The following LMBRD2 variants were observed in gnomAD, a reference collection of about 807,000 sequenced individuals.
The protein encoded by LMBRD2 is LMBR1 domain containing 2.
LMBRD2 carries 55 observed loss-of-function variants against 94.4 expected under a neutral mutation model. The ratio of observed to expected loss-of-function variants is 0.58; its 90% CI spans 0.47 to 0.73. The LOEUF is 0.73. Among genes scored for constraint, LMBRD2 ranks in the 30% least tolerant of loss-of-function variants. The pLI, the probability that LMBRD2 is intolerant of heterozygous loss-of-function variation, is 0.00. For missense variants in LMBRD2, 640 were observed against 831.9 expected, an observed-to-expected ratio of 0.77 and a Z score of 2.84; for synonymous variants, 246 against 272.4, an observed-to-expected ratio of 0.90 and a Z score of 0.95.
At chr5:36,147,180 C>T (rs1484309434) in intron 1 of LMBRD2, among the ~76,000 whole-genome samples, 1 of 151,940 alleles carries the variant, frequency 6.6e-6, no homozygotes, top group East Asian at 1.9e-4. Flanking sequence ...CTGTTGAGGC[C>T]GAACTATATT....
At chr5:36,133,612 ATT>A (rs965621860) in intron 6 of LMBRD2, among the ~76,000 whole-genome samples, 7 of 152,132 alleles carry the variant, frequency 4.6e-5, no homozygotes, top group African/African-American at 1.7e-4. Flanking sequence ...GAAATCATGC[ATT>A]GTTTTTGATG....
In LMBRD2 at chr5:36,143,229, C is replaced by A. The variant is rs755288664; in HGVS notation, c.121G>T (p.Ala41Ser). The part of the protein sequence containing the change: ...HRLVIIGTLL[A>S]WYLCFLIVFI... ...ACAATAAGAAAGCAGAGATACCAAG[C>A]AAGCAGTGTTCCAATAATCACAAGT... Residue 41 changes from alanine (A) to serine (S), a missense_variant, in exon 2 of 18, where the codon GCT (alanine) becomes TCT (serine). Around this residue, in one of 2 missense-constraint regions of LMBRD2, gnomAD observed 457 missense variants for 642.8 expected, o/e 0.71. Transcript: ENST00000296603. The A allele has an allele frequency of 6.2e-7, 1 of 1,613,064 alleles. No individual in the cohort carries two copies. Among genetic ancestry groups the A allele is most frequent in the East Asian group, 2.2e-5 (1 of 44,806 alleles).
rs747222867 is a variant in LMBRD2 at position 36,102,136 on chromosome 5, TA to T, written c.*1909del. On this transcript the variant is annotated 3_prime_UTR_variant, in exon 18 of 18. Transcript: ENST00000296603. ...TAAGTACTTGTAAACTTTTCTGTAATAATAAGAAACTGGACCCATTTCTGGG... is the reference window on the plus strand; with the variant it reads ...TAAGTACTTGTAAACTTTTCTGTAATATAAGAAACTGGACCCATTTCTGGG... The T allele has an allele frequency of 2.6e-5, 4 of 151,960 alleles. No homozygotes were observed. The highest frequency in any genetic ancestry group is 5.9e-5 in the Non-Finnish European group (4 of 67,872). 9.4% of individuals were successfully genotyped at this position (151,960 alleles called of 1,614,324 possible).
At chr5:36,140,221 G>A (rs1026058543) in intron 4 of LMBRD2, among the ~76,000 whole-genome samples, 1 of 152,222 alleles carries the variant, frequency 6.6e-6, no homozygotes, top group African/African-American at 2.4e-5. Flanking sequence ...CGACACCTGT[G>A]CCGATGCCTG....
At chr5:36,137,518 A>G (rs267759) in intron 4 of LMBRD2, 77 bp from the exon 5 acceptor site, 867,407 of 902,712 alleles carry the variant, frequency 0.96, 419,145 homozygotes, top group Non-Finnish European at 0.99. Flanking sequence ...CCAGAAATAT[A>G]TGAATCTCAA....
chr5:36,114,331 C>T (rs907619504), intron 13 of LMBRD2, 93 bp downstream of exon 13: 52 of 1,420,628 alleles, frequency 3.7e-5, no homozygotes, highest in Non-Finnish European at 4.7e-5. Context: ...ATGAAACAAA[C>T]TGAAACTCAA....
chr5:36,140,593 A>G (rs894414739), intron 4 of LMBRD2, among the ~76,000 whole-genome samples: 8 of 152,308 alleles, frequency 5.3e-5, no homozygotes, highest in South Asian at 2.1e-4. Context: ...TGAGAAGCTG[A>G]AAGAGCTGCC....
intron 17 of LMBRD2, among the ~76,000 whole-genome samples, 153 bp from the exon 18 acceptor site, chr5:36,104,259 T>C (rs1743413335): frequency 6.6e-6 from 1 of 151,986 alleles, no homozygotes; most frequent in Non-Finnish European, 1.5e-5. Flanking sequence ...CCTCCAAGTA[T>C]ATTATCCAAA....
chr5:36,132,534 A>C (rs937291998), intron 6 of LMBRD2, among the ~76,000 whole-genome samples: 1 of 151,904 alleles, frequency 6.6e-6, no homozygotes, highest in Non-Finnish European at 1.5e-5. Flanking sequence ...CCCACAGAAT[A>C]GGAGAAAATA....
intron 6 of LMBRD2, among the ~76,000 whole-genome samples, chr5:36,125,343 A>C (rs1203827377): frequency 2.0e-5 from 3 of 152,214 alleles, no homozygotes; most frequent in Non-Finnish European, 4.4e-5. Flanking sequence ...CAGGGTTTTA[A>C]GGGATACAAA....
At chr5:36,107,702 C>T (rs1743504828) in intron 16 of LMBRD2, among the ~76,000 whole-genome samples, 1 of 152,198 alleles carries the variant, frequency 6.6e-6, no homozygotes, top group Non-Finnish European at 1.5e-5. Flanking sequence ...TCTCAGATTT[C>T]AGTAGTCCCT....
chr5:36,104,834 A>G (rs1013201362), intron 17 of LMBRD2, among the ~76,000 whole-genome samples: 2 of 152,086 alleles, frequency 1.3e-5, no homozygotes, highest in African/African-American at 4.8e-5. Flanking sequence ...CTAGTATTGT[A>G]TGAAGATAAC....
At chr5:36,139,776 C>T (rs951657157) in intron 4 of LMBRD2, among the ~76,000 whole-genome samples, 2 of 152,154 alleles carry the variant, frequency 1.3e-5, no homozygotes, top group Admixed American at 6.5e-5. Flanking sequence ...GAGAGCTATA[C>T]TTGTCAGGAC....
rs1743431905 is a variant in LMBRD2 at position 36,105,073 on chromosome 5, T to C, written c.2022A>G (p.Ser674=). The change falls in exon 17 of 18, where the codon TCA becomes TCG. Residue 674 remains serine, a synonymous_variant. Transcript: ENST00000296603. ...ATGTCACAGCCAGAACTTACCTTCC[T>C]GATTCAGATTCAAGAGGATCATCAG... is the stretch of plus-strand genomic sequence containing the variant. ...TFTDDPLESE[S]GRYQPGGRYL... The C allele has an allele frequency of 6.2e-7, 1 of 1,611,972 alleles. No homozygotes were observed. Among genetic ancestry groups the C allele is most frequent in the African/African-American group, 1.3e-5 (1 of 74,820 alleles).
At chr5:36,127,486 C>G (rs185139960) in intron 6 of LMBRD2, among the ~76,000 whole-genome samples, 2 of 152,208 alleles carry the variant, frequency 1.3e-5, no homozygotes, top group East Asian at 3.9e-4. Context: ...TTGCAGGACT[C>G]GGCTCTTAGA....
At position 36,102,525 on chromosome 5, in the gene LMBRD2, G is replaced by A. The variant is rs1331638204; in HGVS notation, c.*1521C>T. 1 of 151,596 alleles carries A rather than the reference G, an allele frequency of 6.6e-6. No individual in the cohort carries two copies. The highest frequency in any genetic ancestry group is 1.5e-5 in the Non-Finnish European group (1 of 67,750). The allele number at this position is 151,596 out of a possible 1,614,324, so 9.4% of individuals were successfully genotyped here. A position where few individuals can be genotyped will look rare whatever the true frequency, so the allele number is the denominator to read the frequency against. ...TCAATTCAGAGTAAGTCTATCCACT[G>A]ATAATTATTTTAAAAGGGATCTAAT... On this transcript the variant is annotated 3_prime_UTR_variant, in exon 18 of 18. Transcript: ENST00000296603.
At chr5:36,124,924 CTAAA>C (rs548731318) in intron 6 of LMBRD2, among the ~76,000 whole-genome samples, 23 of 151,366 alleles carry the variant, frequency 1.5e-4, no homozygotes, top group African/African-American at 3.9e-4. Flanking sequence ...AACCTGGTCT[CTAAA>C]TAAATAAATA....
At chr5:36,118,333 G>A (rs1245218578) in intron 9 of LMBRD2, among the ~76,000 whole-genome samples, 1 of 152,144 alleles carries the variant, frequency 6.6e-6, no homozygotes, top group Non-Finnish European at 1.5e-5. Flanking sequence ...AACTGAATGC[G>A]ATGCATGATC....
chr5:36,147,289 A>G (rs1413715808), intron 1 of LMBRD2, among the ~76,000 whole-genome samples: 3 of 152,140 alleles, frequency 2.0e-5, no homozygotes, highest in African/African-American at 4.8e-5. Context: ...CAAAGTCCAT[A>G]TCTTTAACCT....
Sources: allele counts gnomAD v4.1 joint callset (sites outside exome capture counted in the v4.1 genomes callset), GRCh38; gene constraint gnomAD v4.1.1; regional missense constraint gnomAD v4.1.1; transcripts MANE v1.5; gene names NCBI Gene and HGNC (gene_info 2026-07-23, HGNC 2026-07-21).